NUDT16: variants seen among roughly 807,000 people sequenced by gnomAD.
NUDT16 encodes the protein U8 snoRNA-decapping enzyme.
In NUDT16, 12 loss-of-function variants were observed where a neutral mutation model predicts 11.7. The ratio of observed to expected loss-of-function variants is 1.03; its 90% CI spans 0.66 to 1.67. The LOEUF (loss-of-function observed/expected upper bound fraction) is 1.67. NUDT16 is among the 40% of genes most tolerant of loss of function. The probability of loss-of-function intolerance (pLI) is 0.00; values close to 1 mark genes in which losing one functional copy is unlikely to be tolerated. For synonymous variants in NUDT16, 129 were observed against 122.6 expected (o/e 1.05, Z -0.35); for missense variants, 303 against 268.9 (o/e 1.13, Z -0.89).
Position 131,383,713 on chromosome 3 carries a change from C to CTGT in NUDT16, c.*372_*373insTGT. On this transcript the variant is annotated 3_prime_UTR_variant, in exon 3 of 3. Transcript: ENST00000521288. This position sits in a 1 kb window ranked among gnomAD's most constrained non-coding sequence, Gnocchi z 4.4. Reference sequence around the variant, plus strand: ...TGGCATTTGTCACACTACCCTGGTCCCTGATTGCAAGGAGCTTCTGAAGCA... The same window carrying CTGT: ...TGGCATTTGTCACACTACCCTGGTCCTGTCTGATTGCAAGGAGCTTCTGAAGCA... 1 of 471,924 alleles carries CTGT rather than the reference C, an allele frequency of 2.1e-6. No individual in the cohort carries two copies. Among genetic ancestry groups the CTGT allele is most frequent in the Non-Finnish European group, 3.8e-6 (1 of 260,684 alleles). 29.2% of individuals were successfully genotyped at this position (471,924 alleles called of 1,614,324 possible). A position where few individuals can be genotyped will look rare whatever the true frequency, so the allele number is the denominator to read the frequency against.
In NUDT16 at chr3:131,382,229, G is replaced by A. The variant is rs1177150175; in HGVS notation, c.322G>A (p.Ala108Thr). Residue 108 changes from alanine to threonine, a missense_variant, in exon 2 of 3, where the codon GCC becomes ACC. Physicochemically the swap from Ala to Thr is moderately conservative, Grantham distance 58. Transcript: ENST00000521288. ...CGTCGGGTCAGGGCCACGCGTTGTG[G>A]CCCACTTCTATGCCAAGCGTCTGAC... ...SHVGSGPRVVAHFYAKRLTLE... is the reference protein window; with the variant it reads ...SHVGSGPRVVTHFYAKRLTLE... 6.2e-7 allele frequency: 1 copy of A among 1,610,220 alleles called. No homozygotes were observed. The highest frequency in any genetic ancestry group is 8.5e-7 in the Non-Finnish European group (1 of 1,178,328).
intron 2 of NUDT16, 195 bp from the exon 3 acceptor site, chr3:131,382,967 T>C: frequency 1.6e-6 from 1 of 639,988 alleles, no homozygotes; most frequent in Non-Finnish European, 2.6e-6. Flanking sequence ...GAAAGATTAA[T>C]TGATAGAGCT....
rs72995220 is a variant in NUDT16, at chr3:131,387,187, G to T, written c.*3846G>T. 20,690 of 152,092 alleles carry T rather than the reference G, an allele frequency of 0.14. 1,574 individuals carry two copies. The highest frequency in any genetic ancestry group is 0.23 in the South Asian group (1,116 of 4,806). 9.4% of individuals were successfully genotyped at this position (152,092 alleles called of 1,614,324 possible). On this transcript the variant is annotated 3_prime_UTR_variant, in exon 3 of 3. Transcript: ENST00000521288. ...GAGTATGGGCAGGGCAGAGGAAAAA[G>T]GAAAAATGGGAAACCCCCATGGACT...
Position 131,382,208 on chromosome 3 carries a change from G to A in NUDT16, c.301G>A (p.Gly101Arg), listed in dbSNP as rs1582665853. Residue 101 changes from glycine to arginine, a missense_variant, in exon 2 of 3, where the codon GGG (glycine) becomes AGG (arginine). Coordinates refer to ENST00000521288, the MANE Select transcript of NUDT16 (RefSeq NM_152395.3). ...CACTGACTACCGCAGCTCCCACGTC[G>A]GGTCAGGGCCACGCGTTGTGGCCCA... The part of the protein sequence containing the change: ...ERTDYRSSHV[G>R]SGPRVVAHFY... The A allele has an allele frequency of 3.1e-6, 5 of 1,610,076 alleles. No homozygotes were observed. Among genetic ancestry groups the A allele is most frequent in the Non-Finnish European group, 3.4e-6 (4 of 1,177,896 alleles).
intron 1 of NUDT16, 32 bp from the exon 2 acceptor site, chr3:131,382,014 C>T (rs761561572): frequency 1.6e-5 from 25 of 1,578,716 alleles, no homozygotes; most frequent in Non-Finnish European, 2.1e-5. Context: ...CTCTGGGGCG[C>T]CCCTGCCAAT....
rs746453679 is a variant in NUDT16 at position 131,382,398 on chromosome 3, GAA to G, written c.408+86_408+87del. On this transcript the variant is annotated intron_variant, in intron 2 of 2. Transcript: ENST00000521288. Reference sequence around the variant, plus strand: ...TCTCCCCCAAGAAAGCATCCCTGGAGAAAAGTCTTTGCCCCTCTGACCTTGCC... The same window carrying G: ...TCTCCCCCAAGAAAGCATCCCTGGAGAAGTCTTTGCCCCTCTGACCTTGCC... The G allele has an allele frequency of 3.5e-5, 56 of 1,578,546 alleles. 1 individual carries two copies. In the Admixed American group the frequency reaches 9.0e-4, roughly 25 times the overall value.
At position 131,382,258 on chromosome 3, in the gene NUDT16, C is replaced by G. The variant is rs759177210; in HGVS notation, c.351C>G (p.Leu117=). 4 of 1,612,184 alleles carry G rather than the reference C, an allele frequency of 2.5e-6. No individual in the cohort carries two copies. The highest frequency in any genetic ancestry group is 3.4e-6 in the Non-Finnish European group (4 of 1,179,556). ...ACTTCTATGCCAAGCGTCTGACGCT[C>G]GAGGAGCTGTTGGCTGTGGAGGCCG... ...VAHFYAKRLT[L]EELLAVEAGA... The change falls in exon 2 of 3, where the codon CTC becomes CTG. Residue 117 remains leucine (L), a synonymous_variant. Transcript: ENST00000521288.
At position 131,382,258 on chromosome 3, in the gene NUDT16, C is replaced by T. The variant is rs759177210; in HGVS notation, c.351C>T (p.Leu117=). 1 of 1,612,302 alleles carries T rather than the reference C, an allele frequency of 6.2e-7. No individual in the cohort carries two copies. Among genetic ancestry groups the T allele is most frequent in the Non-Finnish European group, 8.5e-7 (1 of 1,179,548 alleles). Residue 117 remains leucine, a synonymous_variant, in exon 2 of 3, where the codon CTC becomes CTT. Transcript: ENST00000521288. ...VAHFYAKRLT[L]EELLAVEAGA... ...ACTTCTATGCCAAGCGTCTGACGCT[C>T]GAGGAGCTGTTGGCTGTGGAGGCCG... is the stretch of plus-strand genomic sequence containing the variant.
intron 2 of NUDT16, chr3:131,382,914 A>G (rs922102181): frequency 7.1e-5 from 43 of 602,190 alleles, no homozygotes; most frequent in African/African-American, 1.8e-5. Context: ...GTATGAATAC[A>G]TCTTTGAGGC....
chr3:131,381,697 C>T (rs2097455135), upstream of NUDT16: 1 of 1,271,076 alleles, frequency 7.9e-7, no homozygotes, highest in Middle Eastern at 2.7e-4. Context: ...CCCCTTATCC[C>T]TGCAGGGATT....
chr3:131,382,301 G>A lies in NUDT16; in HGVS notation c.394G>A (p.Asp132Asn), dbSNP rs754034771. ...AVEAGATRAK[D>N]HGLEVLGLVR... is the part of the protein sequence containing the mutation. Reference sequence around the variant, plus strand: ...GGAGGCCGGCGCAACACGCGCCAAGGACCACGGGCTGGAGGTGGGACCAGC... The same window carrying A: ...GGAGGCCGGCGCAACACGCGCCAAGAACCACGGGCTGGAGGTGGGACCAGC... Residue 132 changes from aspartate to asparagine, a missense_variant, in exon 2 of 3, where the codon GAC becomes AAC. Physicochemically the swap from Asp to Asn is conservative, Grantham distance 23. Transcript: ENST00000521288. 6.2e-6 allele frequency: 10 copies of A among 1,612,886 alleles called. No individual in the cohort carries two copies. The Middle Eastern group carries it at 4.9e-4, about 80-fold the overall frequency.
In NUDT16 at chr3:131,384,386, G is replaced by C. The variant is rs577137188; in HGVS notation, c.*1045G>C. 8 of 152,562 alleles carry C rather than the reference G, an allele frequency of 5.2e-5. No homozygotes were observed. Among genetic ancestry groups the C allele is most frequent in the African/African-American group, 1.7e-4 (7 of 41,596 alleles). The allele number at this position is 152,562 out of a possible 1,614,324, so 9.5% of individuals were successfully genotyped here. A position where few individuals can be genotyped will look rare whatever the true frequency, so the allele number is the denominator to read the frequency against. On this transcript the variant is annotated 3_prime_UTR_variant, in exon 3 of 3. Coordinates refer to ENST00000521288, the MANE Select transcript of NUDT16 (RefSeq NM_152395.3). The stretch of plus-strand genomic sequence containing the variant: ...TCAGGAAGGGCGGTATGGAAGGCAG[G>C]CTGTACTGGTTGAGTGAATGGAAAG...
In NUDT16 at chr3:131,383,526, A is replaced by G. The variant is rs1412012185; in HGVS notation, c.*185A>G. The G allele has an allele frequency of 3.6e-6, 5 of 1,396,724 alleles. No individual in the cohort carries two copies. The highest frequency in any genetic ancestry group is 4.8e-6 in the Non-Finnish European group (5 of 1,045,874). The allele number at this position is 1,396,724 out of a possible 1,614,324, so 86.5% of individuals were successfully genotyped here. A position where few individuals can be genotyped will look rare whatever the true frequency, so the allele number is the denominator to read the frequency against. ...CCTCCAACTTATGGCATCAGGGGCAAAAAGTCACAGCTTATCCCAGGCACC... is the reference window on the plus strand; with the variant it reads ...CCTCCAACTTATGGCATCAGGGGCAGAAAGTCACAGCTTATCCCAGGCACC... On this transcript the variant is annotated 3_prime_UTR_variant, in exon 3 of 3. Transcript: ENST00000521288. This position sits in a 1 kb window ranked among gnomAD's most constrained non-coding sequence, Gnocchi z 4.4.
Position 131,381,854 on chromosome 3 carries a change from C to T in NUDT16, c.50C>T (p.Ser17Leu). The T allele has an allele frequency of 1.2e-6, 2 of 1,600,264 alleles. No individual in the cohort carries two copies. The highest frequency in any genetic ancestry group is 1.7e-6 in the Non-Finnish European group (2 of 1,177,770). The change falls in exon 1 of 3, where the codon TCG (serine) becomes TTG (leucine). Residue 17 changes from serine to leucine, a missense_variant. Transcript: ENST00000521288. ...LELGEALALGSGWRHACHALL... is the reference protein window; with the variant it reads ...LELGEALALGLGWRHACHALL... Reference sequence around the variant, plus strand: ...CTAGGCGAGGCCCTGGCGCTGGGGTCGGGCTGGCGTCATGCGTGCCACGCT... The same window carrying T: ...CTAGGCGAGGCCCTGGCGCTGGGGTTGGGCTGGCGTCATGCGTGCCACGCT...
chr3:131,384,396 T>C lies in NUDT16; in HGVS notation c.*1055T>C, dbSNP rs1041474768. The C allele has an allele frequency of 2.6e-5, 4 of 152,200 alleles. No individual in the cohort carries two copies. Among genetic ancestry groups the C allele is most frequent in the African/African-American group, 9.7e-5 (4 of 41,398 alleles). 9.4% of individuals were successfully genotyped at this position (152,200 alleles called of 1,614,324 possible). A position where few individuals can be genotyped will look rare whatever the true frequency, so the allele number is the denominator to read the frequency against. The stretch of plus-strand genomic sequence containing the variant: ...CGGTATGGAAGGCAGGCTGTACTGG[T>C]TGAGTGAATGGAAAGTTGGGGAGTA... On this transcript the variant is annotated 3_prime_UTR_variant, in exon 3 of 3. Coordinates refer to ENST00000521288, the MANE Select transcript of NUDT16 (RefSeq NM_152395.3).
In NUDT16 at chr3:131,382,104, A is replaced by G; in HGVS notation, c.197A>G (p.Asp66Gly). Residue 66 changes from aspartate to glycine, a missense_variant, in exon 2 of 3, where the codon GAC (aspartate) becomes GGC (glycine). Transcript: ENST00000521288. Reference sequence around the variant, plus strand: ...CCCGGCGGATTCGTGGACACGCAGGACAGAAGCCTAGAGGACGGGCTGAAC... The same window carrying G: ...CCCGGCGGATTCGTGGACACGCAGGGCAGAAGCCTAGAGGACGGGCTGAAC... ...GFPGGFVDTQ[D>G]RSLEDGLNRE... 1 of 1,604,924 alleles carries G rather than the reference A, an allele frequency of 6.2e-7. No individual in the cohort carries two copies. Among genetic ancestry groups the G allele is most frequent in the Non-Finnish European group, 8.5e-7 (1 of 1,175,362 alleles).
At position 131,382,317 on chromosome 3, in the gene NUDT16, T is replaced by C; in HGVS notation, c.408+2T>C. On this transcript the variant is annotated splice_donor_variant, in intron 2 of 2. Coordinates refer to ENST00000521288, the MANE Select transcript of NUDT16 (RefSeq NM_152395.3). LOFTEE classifies it high-confidence loss of function. ...CGCGCCAAGGACCACGGGCTGGAGG[T>C]GGGACCAGCCTGGGACTCTGTCCCT... 1 of 1,612,854 alleles carries C rather than the reference T, an allele frequency of 6.2e-7. No individual in the cohort carries two copies. The highest frequency in any genetic ancestry group is 1.1e-5 in the South Asian group (1 of 91,074).
rs959414140 is a variant in NUDT16, at chr3:131,381,911, T to G, written c.107T>G (p.Phe36Cys). The G allele has an allele frequency of 6.2e-7, 1 of 1,611,578 alleles. No homozygotes were observed. Among genetic ancestry groups the G allele is most frequent in the Non-Finnish European group, 8.5e-7 (1 of 1,179,506 alleles). ...LLYAPDPGML[F>C]GRIPLRYAIL... ...TACGCGCCGGACCCTGGGATGCTCT[T>G]CGGCCGCATCCCGCTGCGCTACGCC... The change falls in exon 1 of 3, where the codon TTC becomes TGC. Residue 36 changes from phenylalanine (F) to cysteine (C), a missense_variant. Phe to Cys is a radical substitution (Grantham distance 205, BLOSUM62 -2). Coordinates refer to ENST00000521288, the MANE Select transcript of NUDT16 (RefSeq NM_152395.3).
Position 131,383,026 on chromosome 3 carries a change from C to A in NUDT16, c.409-136C>A. The A allele has an allele frequency of 1.0e-6, 1 of 959,862 alleles. No individual in the cohort carries two copies. 59.5% of individuals were successfully genotyped at this position (959,862 alleles called of 1,614,324 possible). A position where few individuals can be genotyped will look rare whatever the true frequency, so the allele number is the denominator to read the frequency against. On this transcript the variant is annotated intron_variant, in intron 2 of 2. Transcript: ENST00000521288. This position sits in a 1 kb window ranked among gnomAD's most constrained non-coding sequence, Gnocchi z 4.4. ...TCCTGCAGAAGGTTGGGCCACTAGG[C>A]TTTAGTGAGGTGTGAGCCTTGGGCC...
Sources: gnomAD v4.1 joint callset for allele counts on GRCh38, gnomAD v4.1.1 for gene constraint, Gnocchi (gnomAD v3.1) non-coding constraint, MANE v1.5 for transcripts, NCBI Gene and HGNC (gene_info 2026-07-23, HGNC 2026-07-21) for gene names.